The following SLC35G2 variants were observed in gnomAD, a reference collection of about 807,000 sequenced individuals.
SLC35G2 encodes the protein solute carrier family 35 member G2.
A neutral mutation model predicts 27.2 loss-of-function variants in SLC35G2; 20 were observed. The ratio of observed to expected loss-of-function variants is 0.74; its 90% CI spans 0.52 to 1.07. SLC35G2 has a LOEUF of 1.07. Among genes scored for constraint, SLC35G2 ranks in the 50% least tolerant of loss-of-function variants. The pLI, the probability that SLC35G2 is intolerant of heterozygous loss-of-function variation, is 0.00. For synonymous variants in SLC35G2, 148 were observed against 165.3 expected, an observed-to-expected ratio of 0.90 and a Z score of 0.80; for missense variants, 416 against 493.3, an observed-to-expected ratio of 0.84 and a Z score of 1.48.
intron 1 of SLC35G2, among the ~76,000 whole-genome samples, chr3:136,851,353 C>T (rs965459131): frequency 1.3e-5 from 2 of 151,660 alleles, no homozygotes; most frequent in African/African-American, 2.4e-5. Context: ...AAAAATTAGC[C>T]GGGCGTGGTG....
At chr3:136,837,289 C>T (rs1414134659) in intron 1 of SLC35G2, 1 of 152,134 alleles carries the variant, frequency 6.6e-6, no homozygotes, top group Non-Finnish European at 1.5e-5. Flanking sequence ...TGTTTATGTA[C>T]AGTTTTCCTT....
chr3:136,849,534 C>T (rs1043220231), intron 1 of SLC35G2, among the ~76,000 whole-genome samples: 12 of 151,602 alleles, frequency 7.9e-5, no homozygotes, highest in African/African-American at 2.9e-4. Flanking sequence ...CTCTGTCTCC[C>T]AGGCTGAAGT....
intron 1 of SLC35G2, among the ~76,000 whole-genome samples, chr3:136,822,057 T>C (rs1362504627): frequency 6.6e-6 from 1 of 152,238 alleles, no homozygotes; most frequent in Non-Finnish European, 1.5e-5. Flanking sequence ...AATAATCATA[T>C]CATGGTAAAT....
intron 1 of SLC35G2, among the ~76,000 whole-genome samples, chr3:136,829,366 C>A (rs532148172): frequency 6.6e-6 from 1 of 151,864 alleles, no homozygotes; most frequent in African/African-American, 2.4e-5. Context: ...GGACTTCAGG[C>A]GGCCGCCACT....
chr3:136,843,433 C>A (rs1273401758), intron 1 of SLC35G2: 5 of 151,792 alleles, frequency 3.3e-5, no homozygotes, highest in Admixed American at 3.3e-4. Context: ...CACTTGAGGC[C>A]AGGAGTTCGA....
chr3:136,855,121 G>T lies in SLC35G2; in HGVS notation c.661G>T (p.Val221Phe). 1 of 1,614,156 alleles carries T rather than the reference G, an allele frequency of 6.2e-7. No homozygotes were observed. The highest frequency in any genetic ancestry group is 8.5e-7 in the Non-Finnish European group (1 of 1,180,038). Residue 221 changes from valine (V) to phenylalanine (F), a missense_variant, in exon 2 of 2, where the codon GTT becomes TTT. Physicochemically the swap from Val to Phe is conservative, Grantham distance 50. Transcript: ENST00000446465. ...FLLVDEKMAY[V>F]DMATVVCSIL... is the part of the protein sequence containing the mutation. ...ACTCGTAGATGAGAAAATGGCTTATGTTGACATGGCTACAGTTGTTTGCAG... is the reference window on the plus strand; with the variant it reads ...ACTCGTAGATGAGAAAATGGCTTATTTTGACATGGCTACAGTTGTTTGCAG...
At chr3:136,845,602 A>AT (rs34810175) in intron 1 of SLC35G2, among the ~76,000 whole-genome samples, 100,263 of 148,794 alleles carry the variant, frequency 0.67, 33,875 homozygotes, top group East Asian at 0.87. Context: ...TAAAAATTTA[A>AT]TTTTTTTTTT....
chr3:136,820,201 G>T (rs1201344117), intron 1 of SLC35G2: 2 of 152,124 alleles, frequency 1.3e-5, no homozygotes, highest in Non-Finnish European at 2.9e-5. Flanking sequence ...AGAGTGCTGG[G>T]GGTGGGTCCA....
chr3:136,826,157 C>T (rs1936580729), intron 1 of SLC35G2, among the ~76,000 whole-genome samples: 1 of 152,116 alleles, frequency 6.6e-6, no homozygotes, highest in Non-Finnish European at 1.5e-5. Context: ...CTTCCTCAGC[C>T]TCCCAAGTAG....
At chr3:136,849,646 C>CT (rs1937552850) in intron 1 of SLC35G2, among the ~76,000 whole-genome samples, 1 of 151,772 alleles carries the variant, frequency 6.6e-6, no homozygotes, top group East Asian at 2.0e-4. Flanking sequence ...CATGTGCCAC[C>CT]ACTCCCAACT....
Position 136,855,394 on chromosome 3 carries a change from C to G in SLC35G2, c.934C>G (p.Pro312Ala). The change falls in exon 2 of 2, where the codon CCA becomes GCA. Residue 312 changes from proline (P) to alanine (A), a missense_variant. Pro to Ala is a conservative substitution (Grantham distance 27). Transcript: ENST00000446465. ...GTTTATTCTTCAAGAACCCATCATCCCATTAGATGGAGAAACCTGGAGTTA... is the reference window on the plus strand; with the variant it reads ...GTTTATTCTTCAAGAACCCATCATCGCATTAGATGGAGAAACCTGGAGTTA... Reference protein sequence around the residue: ...TMFILQEPIIPLDGETWSYLI... With the variant: ...TMFILQEPIIALDGETWSYLI... 1 of 1,614,058 alleles carries G rather than the reference C, an allele frequency of 6.2e-7. No individual in the cohort carries two copies. Among genetic ancestry groups the G allele is most frequent in the Non-Finnish European group, 8.5e-7 (1 of 1,179,964 alleles).
chr3:136,854,448 AT>A lies in SLC35G2; in HGVS notation c.-11del. ...CAATTTTTTTCTTTAAATAGAATTG[AT>A]TATCTGAAGAAATGGATACTTCTCC... On this transcript the variant is annotated 5_prime_UTR_variant, in exon 2 of 2. Transcript: ENST00000446465. 6.4e-7 allele frequency: 1 copy of A among 1,550,644 alleles called. No individual in the cohort carries two copies. Among genetic ancestry groups the A allele is most frequent in the Non-Finnish European group, 8.7e-7 (1 of 1,147,712 alleles).
intron 1 of SLC35G2, chr3:136,846,449 T>G (rs903702485): frequency 1.3e-5 from 2 of 152,262 alleles, no homozygotes; most frequent in Admixed American, 1.3e-4. Flanking sequence ...AGACTTCTGG[T>G]TCTATTTCAT....
chr3:136,832,941 C>T (rs548991558), intron 1 of SLC35G2, among the ~76,000 whole-genome samples: 10 of 152,034 alleles, frequency 6.6e-5, no homozygotes, highest in South Asian at 4.1e-4. Context: ...TGGTGGCGGG[C>T]GCCTGTAGTC....
chr3:136,829,976 A>G (rs1209128435), intron 1 of SLC35G2, among the ~76,000 whole-genome samples: 1 of 152,014 alleles, frequency 6.6e-6, no homozygotes, highest in Non-Finnish European at 1.5e-5. Flanking sequence ...AGGTTTGGGA[A>G]GTTCTCATAT....
chr3:136,851,490 C>T (rs1205385746), intron 1 of SLC35G2, among the ~76,000 whole-genome samples: 1 of 76,804 alleles, frequency 1.3e-5, no homozygotes, highest in African/African-American at 5.1e-5. Flanking sequence ...GAGTGAGACT[C>T]CGTCTCAAAA....
chr3:136,842,136 T>G (rs566220876), intron 1 of SLC35G2: 1 of 152,328 alleles, frequency 6.6e-6, no homozygotes. Context: ...GTTCAAAGTA[T>G]ATCTTATTCT....
In SLC35G2 at chr3:136,854,911, G is replaced by T. The variant is rs748810714; in HGVS notation, c.451G>T (p.Val151Leu). ...TTTTCAGGTCTTATCTGTGTTAGTT[G>T]TGTGTTACTATCAGGAGGCCCCCTT... Reference protein sequence around the residue: ...SVFQVLSVLVVCYYQEAPFGP... With the variant: ...SVFQVLSVLVLCYYQEAPFGP... Residue 151 changes from valine (V) to leucine (L), a missense_variant, in exon 2 of 2, where the codon GTG becomes TTG. By Grantham distance (32) the Val-to-Leu change is conservative. Coordinates refer to ENST00000446465, the MANE Select transcript of SLC35G2 (RefSeq NM_025246.3). 45 of 1,614,008 alleles carry T rather than the reference G, an allele frequency of 2.8e-5. No individual in the cohort carries two copies. Among genetic ancestry groups the T allele is most frequent in the Non-Finnish European group, 3.7e-5 (44 of 1,180,022 alleles).
intron 1 of SLC35G2, chr3:136,837,934 G>C (rs868031232): frequency 6.6e-6 from 1 of 151,718 alleles, no homozygotes; most frequent in Non-Finnish European, 1.5e-5. Context: ...CTGCTACCTG[G>C]CTCAAGCAAT....
Sources: gnomAD v4.1 joint callset for allele counts (sites outside exome capture counted in the v4.1 genomes callset) on GRCh38, gnomAD v4.1.1 for gene constraint, MANE v1.5 for transcripts, NCBI Gene and HGNC (gene_info 2026-07-23, HGNC 2026-07-21) for gene names.